ILDR1: variants seen among roughly 807,000 people sequenced by gnomAD.
ILDR1 encodes immunoglobulin like domain containing receptor 1, also known as immunoglobulin-like domain-containing receptor 1.
In ILDR1, 56 loss-of-function variants were observed where a neutral mutation model predicts 62.4. That is an observed-to-expected ratio of 0.90 (90% CI 0.72 to 1.12). ILDR1 has a LOEUF of 1.12. ILDR1 is among the 50% of genes most tolerant of loss of function. ILDR1 has a pLI of 0.00. For missense variants in ILDR1, 736 were observed against 710.6 expected (o/e 1.04, Z -0.41); for synonymous variants, 284 against 277.8 (o/e 1.02, Z -0.22).
chr3:122,041,342 C>G, the ILDR1 span, among the ~76,000 whole-genome samples: 1 of 152,174 alleles, frequency 6.6e-6, no homozygotes, highest in Non-Finnish European at 1.5e-5. Flanking sequence ...GAATTAGGTC[C>G]CTTTTTGTTC....
rs1217577219 is a variant in ILDR1, at chr3:122,021,031, C to T, written c.58+989G>A. On this transcript the variant is annotated intron_variant, in intron 1 of 7. Coordinates refer to ENST00000344209, the MANE Select transcript of ILDR1 (RefSeq NM_001199799.2). ...TGTCTTATGGAGCTTGTAGAAAGAA[C>T]ATTCTGCCAACACACCTTCATATTG... Among the ~76,000 whole-genome samples, 5 of 152,172 alleles carry T rather than the reference C, an allele frequency of 3.3e-5. No homozygotes were observed. In the South Asian group the frequency reaches 1.0e-3, roughly 31 times the overall value.
the ILDR1 span, among the ~76,000 whole-genome samples, chr3:122,058,222 G>GT: frequency 6.6e-6 from 1 of 152,112 alleles, no homozygotes; most frequent in East Asian, 1.9e-4. Flanking sequence ...ATGGAGGAAG[G>GT]TTTTTTCCAG....
upstream of ILDR1, chr3:122,022,327 C>G (rs1206834678): frequency 9.6e-6 from 4 of 417,718 alleles, no homozygotes; most frequent in African/African-American, 2.1e-5. Context: ...GCCCCCGCCT[C>G]CCGGGGGACT....
At chr3:122,029,511 A>AATATAT in the ILDR1 span, among the ~76,000 whole-genome samples, 120 of 139,496 alleles carry the variant, frequency 8.6e-4, no homozygotes, top group South Asian at 4.4e-3. Context: ...GTCTAAAAAA[A>AATATAT]ATATATATAT....
At chr3:122,024,364 C>T (rs530020498), upstream of ILDR1, among the ~76,000 whole-genome samples, 13 of 152,280 alleles carry the variant, frequency 8.5e-5, no homozygotes, top group Admixed American at 2.0e-4. Context: ...AATACTGGTG[C>T]TGTAAACCAA....
upstream of ILDR1, among the ~76,000 whole-genome samples, chr3:122,024,655 TA>T (rs1490763224): frequency 6.6e-6 from 1 of 152,236 alleles, no homozygotes; most frequent in Non-Finnish European, 1.5e-5. Context: ...TTTATTTAAT[TA>T]AAGTCTTACA....
At chr3:122,033,354 G>C in the ILDR1 span, among the ~76,000 whole-genome samples, 1 of 151,426 alleles carries the variant, frequency 6.6e-6, no homozygotes, top group African/African-American at 2.4e-5. Flanking sequence ...TTTCTTACTG[G>C]AGTTTGTAGA....
intron 7 of ILDR1, among the ~76,000 whole-genome samples, chr3:121,990,185 C>A (rs749037273): frequency 1.1e-4 from 16 of 152,128 alleles, no homozygotes; most frequent in Non-Finnish European, 2.2e-4. Flanking sequence ...AGCAGCCAGC[C>A]CCAAGGAGAG....
the ILDR1 span, among the ~76,000 whole-genome samples, chr3:122,040,543 A>C: frequency 6.6e-6 from 1 of 151,966 alleles, no homozygotes; most frequent in Non-Finnish European, 1.5e-5. Flanking sequence ...ACTTATTATA[A>C]AGCTACAGTA....
chr3:122,028,056 G>T, the ILDR1 span, among the ~76,000 whole-genome samples: 5 of 151,882 alleles, frequency 3.3e-5, no homozygotes, highest in Non-Finnish European at 7.4e-5. Context: ...GGCCGGGCGC[G>T]GTGGCTCACG....
intron 1 of ILDR1, among the ~76,000 whole-genome samples, chr3:122,009,324 A>AACACACACACACAC (rs60284951): frequency 0.054 from 7,387 of 137,758 alleles, 296 homozygotes; most frequent in Non-Finnish European, 0.071. Flanking sequence ...CTCAATTTAA[A>AACACACACACACAC]ACACACACAC....
At chr3:122,001,281 T>C (rs755981549) in intron 5 of ILDR1, 27 bp downstream of exon 5, 1 of 1,613,896 alleles carries the variant, frequency 6.2e-7, no homozygotes, top group South Asian at 1.1e-5. Flanking sequence ...ATCCACTCCA[T>C]TCCACTGCTT....
intron 1 of ILDR1, among the ~76,000 whole-genome samples, chr3:122,007,881 A>C (rs1279940203): frequency 1.3e-5 from 2 of 152,188 alleles, no homozygotes; most frequent in Non-Finnish European, 2.9e-5. Context: ...CCTGTCTGCA[A>C]ATCTGGGAGA....
At chr3:122,047,878 G>C in the ILDR1 span, among the ~76,000 whole-genome samples, 1 of 152,184 alleles carries the variant, frequency 6.6e-6, no homozygotes, top group African/African-American at 2.4e-5. Flanking sequence ...CGTCTTCTGC[G>C]TCGCTCACGC....
intron 2 of ILDR1, among the ~76,000 whole-genome samples, 163 bp downstream of exon 2, chr3:122,006,828 C>T (rs541994871): frequency 6.6e-6 from 1 of 152,246 alleles, no homozygotes; most frequent in African/African-American, 2.4e-5. Context: ...TCTACCTGGG[C>T]TCCGTTTGTT....
In ILDR1 at chr3:122,022,104, C is replaced by A; in HGVS notation, c.-27G>T. On this transcript the variant is annotated 5_prime_UTR_variant, in exon 1 of 8. Coordinates refer to ENST00000344209, the MANE Select transcript of ILDR1 (RefSeq NM_001199799.2). ...CCGCCCCCTTTCTGGCCCTTTTCAG[C>A]TCAGGGGCTTCGGGGCACTGCGTCT... The A allele has an allele frequency of 6.3e-7, 1 of 1,584,338 alleles. No individual in the cohort carries two copies. Among genetic ancestry groups the A allele is most frequent in the Non-Finnish European group, 8.6e-7 (1 of 1,163,350 alleles).
At chr3:122,040,882 A>G in the ILDR1 span, among the ~76,000 whole-genome samples, 1 of 152,164 alleles carries the variant, frequency 6.6e-6, no homozygotes, top group African/African-American at 2.4e-5. Flanking sequence ...CCAAAGTCAC[A>G]ATGCATGAAA....
chr3:122,045,820 G>A, the ILDR1 span, among the ~76,000 whole-genome samples: 30 of 149,982 alleles, frequency 2.0e-4, no homozygotes, highest in East Asian at 3.9e-4. Flanking sequence ...GTCTCTGCAC[G>A]TGAGATGGGT....
At chr3:122,022,914 AAAATAAAT>A (rs59901956), upstream of ILDR1, among the ~76,000 whole-genome samples, 32,294 of 143,228 alleles carry the variant, frequency 0.23, 3,899 homozygotes, top group Admixed American at 0.34. Flanking sequence ...CTCGGTCTCG[AAAATAAAT>A]AAATAAATAA....
Sources: gnomAD v4.1 joint callset for allele counts (sites outside exome capture counted in the v4.1 genomes callset) on GRCh38, gnomAD v4.1.1 for gene constraint, MANE v1.5 for transcripts, NCBI Gene and HGNC (gene_info 2026-07-23, HGNC 2026-07-21) for gene names.